The following CBLB variants were observed in gnomAD, a reference collection of about 807,000 sequenced individuals.
CBLB encodes Cbl proto-oncogene B.
A neutral mutation model predicts 104.9 loss-of-function variants in CBLB; 31 were observed. The observed-to-expected ratio is 0.30, with a 90% CI of 0.22 to 0.40. CBLB has a LOEUF of 0.40. Among genes scored for constraint, CBLB ranks in the 10% least tolerant of loss-of-function variants. CBLB has a pLI of 1.00. For missense variants in CBLB, 1,062 were observed against 1,214.6 expected (o/e 0.87, Z 1.87); for synonymous variants, 440 against 422.6 (o/e 1.04, Z -0.51).
intron 18 of CBLB, among the ~76,000 whole-genome samples, chr3:105,665,995 T>C (rs2064404926): frequency 6.6e-6 from 1 of 150,952 alleles, no homozygotes; most frequent in Non-Finnish European, 1.5e-5. Flanking sequence ...CACTGCACTC[T>C]AGCCTGGGCA....
intron 3 of CBLB, among the ~76,000 whole-genome samples, chr3:105,851,621 G>A (rs900486901): frequency 5.9e-5 from 9 of 152,138 alleles, no homozygotes; most frequent in African/African-American, 2.2e-4. Flanking sequence ...CTTGGGCAGA[G>A]GAGATTTATG....
intron 3 of CBLB, among the ~76,000 whole-genome samples, chr3:105,840,062 G>C (rs2089304474): frequency 6.6e-6 from 1 of 152,110 alleles, no homozygotes; most frequent in Non-Finnish European, 1.5e-5. Flanking sequence ...AAAATTGACA[G>C]CTCCACATAC....
At position 105,804,453 on chromosome 3, in the gene CBLB, G is replaced by T. The variant is rs537975861; in HGVS notation, c.420-27911C>A. Among the ~76,000 whole-genome samples the T allele has an allele frequency of 5.1e-3, 772 of 151,918 alleles. 5 individuals are homozygous for T. The highest frequency in any genetic ancestry group is 0.018 in the African/African-American group (755 of 41,410). ...TGAGAATCGCCTGAACCTGGGAGGT[G>T]GAGGTTGCAGTGAGCCAAGATCGCT... On this transcript the variant is annotated intron_variant, in intron 3 of 18. Coordinates refer to ENST00000394030, the MANE Select transcript of CBLB (RefSeq NM_170662.5).
Position 105,813,017 on chromosome 3 carries a change from T to C in CBLB, c.420-36475A>G, listed in dbSNP as rs548506446. On this transcript the variant is annotated intron_variant, in intron 3 of 18. Coordinates refer to ENST00000394030, the MANE Select transcript of CBLB (RefSeq NM_170662.5). Reference sequence around the variant, plus strand: ...AAATGGTAAAGTACATTTTAAAGGATAAAGTAAACAAGCAGTATGTTAATT... The same window carrying C: ...AAATGGTAAAGTACATTTTAAAGGACAAAGTAAACAAGCAGTATGTTAATT... Among the ~76,000 whole-genome samples the C allele has an allele frequency of 2.0e-5, 3 of 152,212 alleles. No individual in the cohort carries two copies. The South Asian group carries it at 6.2e-4, about 32-fold the overall frequency.
chr3:105,720,134 G>A lies in CBLB; in HGVS notation c.1320C>T (p.Asp440=), dbSNP rs1346609242. Reference sequence around the variant, plus strand: ...AGTCTAGCATCGGCATGCCAAAGGGGTCAATGATGCTGCAACACCTGGAGC... The same window carrying A: ...AGTCTAGCATCGGCATGCCAAAGGGATCAATGATGCTGCAACACCTGGAGC... ...DEGSRCCSII[D]PFGMPMLDLD... is the part of the protein sequence containing the mutation. Residue 440 remains aspartate (D), a synonymous_variant, in exon 10 of 19, where the codon GAC becomes GAT. Coordinates refer to ENST00000394030, the MANE Select transcript of CBLB (RefSeq NM_170662.5). 6.2e-7 allele frequency: 1 copy of A among 1,613,872 alleles called. No homozygotes were observed. The highest frequency in any genetic ancestry group is 8.5e-7 in the Non-Finnish European group (1 of 1,179,838).
intron 17 of CBLB, among the ~76,000 whole-genome samples, chr3:105,676,604 T>C (rs528721401): frequency 2.0e-5 from 3 of 152,160 alleles, no homozygotes; most frequent in Non-Finnish European, 4.4e-5. Context: ...CTAAAAATCA[T>C]GTTAAAGTCT....
intron 13 of CBLB, among the ~76,000 whole-genome samples, chr3:105,693,035 G>T (rs2067911153): frequency 6.6e-6 from 1 of 151,764 alleles, no homozygotes. Flanking sequence ...GAGCAATGGA[G>T]AAGATTAGAG....
intron 3 of CBLB, among the ~76,000 whole-genome samples, chr3:105,793,953 G>C (rs976882685): frequency 3.9e-5 from 6 of 152,104 alleles, no homozygotes; most frequent in Admixed American, 6.5e-5. Flanking sequence ...GAAAATATTA[G>C]CTCATTATTT....
intron 17 of CBLB, among the ~76,000 whole-genome samples, chr3:105,677,008 A>T (rs995566320): frequency 4.0e-5 from 6 of 151,866 alleles, no homozygotes; most frequent in Non-Finnish European, 8.8e-5. Flanking sequence ...AAGCAATGAA[A>T]CCCCTTTTCT....
At chr3:105,789,134 A>G (rs1030364571) in intron 3 of CBLB, among the ~76,000 whole-genome samples, 2 of 152,224 alleles carry the variant, frequency 1.3e-5, no homozygotes, top group Non-Finnish European at 2.9e-5. Flanking sequence ...CTATACAGCA[A>G]TAAATAATTA....
At chr3:105,825,950 C>T (rs1411787630) in intron 3 of CBLB, among the ~76,000 whole-genome samples, 2 of 147,156 alleles carry the variant, frequency 1.4e-5, no homozygotes, top group Non-Finnish European at 3.0e-5. Context: ...TAATGACATA[C>T]AAATTCCTAA....
At chr3:105,831,401 C>T (rs181079386) in intron 3 of CBLB, among the ~76,000 whole-genome samples, 5 of 152,346 alleles carry the variant, frequency 3.3e-5, no homozygotes, top group African/African-American at 9.6e-5. Context: ...GACCGCCAGG[C>T]GGGCTCAAAT....
At chr3:105,702,780 T>C (rs2069428259) in intron 11 of CBLB, among the ~76,000 whole-genome samples, 2 of 152,146 alleles carry the variant, frequency 1.3e-5, no homozygotes, top group Admixed American at 1.3e-4. Context: ...TAAAAGAATA[T>C]GTCAATAATT....
intron 3 of CBLB, among the ~76,000 whole-genome samples, chr3:105,802,535 G>T (rs2083011779): frequency 2.6e-5 from 4 of 152,158 alleles, no homozygotes; most frequent in Admixed American, 2.6e-4. Flanking sequence ...ACCAATGAAG[G>T]TCCCACGGGA....
intron 6 of CBLB, among the ~76,000 whole-genome samples, chr3:105,745,584 A>G (rs1171413618): frequency 6.6e-6 from 1 of 152,180 alleles, no homozygotes; most frequent in African/African-American, 2.4e-5. Context: ...AAATACCCTA[A>G]AGTAATGAAC....
intron 3 of CBLB, among the ~76,000 whole-genome samples, chr3:105,833,585 T>C (rs969251400): frequency 2.0e-5 from 3 of 152,186 alleles, no homozygotes; most frequent in African/African-American, 4.8e-5. Context: ...TGTTAGTATT[T>C]ATTTTCAGTA....
chr3:105,745,892 T>C (rs375599617), intron 6 of CBLB, 25 bp downstream of exon 6: 34 of 1,603,478 alleles, frequency 2.1e-5, no homozygotes, highest in Non-Finnish European at 2.8e-5. Context: ...ATATATCACA[T>C]AATATTACTG....
chr3:105,783,829 T>C (rs971465833), intron 3 of CBLB, among the ~76,000 whole-genome samples: 1 of 152,164 alleles, frequency 6.6e-6, no homozygotes, highest in Admixed American at 6.5e-5. Context: ...AATTGGACAG[T>C]TTGAGGGTTG....
chr3:105,658,812 C>A lies in CBLB; in HGVS notation c.*158G>T. On this transcript the variant is annotated 3_prime_UTR_variant, in exon 19 of 19. Transcript: ENST00000394030. ...CACAGCTGTCGACATCCTGAGCAAG[C>A]ATCGGTCTCCTTTGAGAAGCTGCAC... 2 of 730,218 alleles carry A rather than the reference C, an allele frequency of 2.7e-6. No homozygotes were observed. Among genetic ancestry groups the A allele is most frequent in the Non-Finnish European group, 2.3e-6 (1 of 436,378 alleles). The allele number at this position is 730,218 out of a possible 1,614,324, so 45.2% of individuals were successfully genotyped here. A position where few individuals can be genotyped will look rare whatever the true frequency, so the allele number is the denominator to read the frequency against.
Sources: gnomAD v4.1 joint callset for allele counts (sites outside exome capture counted in the v4.1 genomes callset) on GRCh38, gnomAD v4.1.1 for gene constraint, MANE v1.5 for transcripts, NCBI Gene and HGNC (gene_info 2026-07-23, HGNC 2026-07-21) for gene names.